CHRNA2: variants seen among roughly 807,000 people sequenced by gnomAD.
CHRNA2 encodes neuronal acetylcholine receptor subunit alpha-2.
A neutral mutation model predicts 45.5 loss-of-function variants in CHRNA2; 40 were observed. The ratio of observed to expected loss-of-function variants is 0.88; its 90% CI spans 0.68 to 1.15. CHRNA2 has a LOEUF of 1.15. Among genes scored for constraint, CHRNA2 ranks in the 50% most tolerant of loss-of-function variants. The pLI is 0.00. For missense variants in CHRNA2, 655 were observed against 701.7 expected (o/e 0.93, Z 0.75); for synonymous variants, 301 against 296.7 (o/e 1.01, Z -0.15).
At chr8:27,466,328 T>A (rs1364063272) in intron 5 of CHRNA2, among the ~76,000 whole-genome samples, 2 of 152,186 alleles carry the variant, frequency 1.3e-5, no homozygotes, top group East Asian at 3.8e-4. Context: ...ATTTCCAAAG[T>A]AGGATCAAAT....
intron 1 of CHRNA2, among the ~76,000 whole-genome samples, chr8:27,474,395 C>A (rs1243825329): frequency 6.6e-6 from 1 of 152,158 alleles, no homozygotes; most frequent in Non-Finnish European, 1.5e-5. Context: ...GAGAATATTG[C>A]CCCTGTCCAT....
intron 4 of CHRNA2, 142 bp from the exon 5 acceptor site, chr8:27,467,480 G>A: frequency 1.5e-6 from 1 of 657,248 alleles, no homozygotes; most frequent in Admixed American, 2.3e-5. Flanking sequence ...CAGAATAGTG[G>A]AGGGAGCTGC....
At position 27,461,513 on chromosome 8, in the gene CHRNA2, G is replaced by A; in HGVS notation, c.*116C>T. The A allele has an allele frequency of 7.0e-7, 1 of 1,431,324 alleles. No homozygotes were observed. The highest frequency in any genetic ancestry group is 2.3e-5 in the East Asian group (1 of 43,226). The allele number at this position is 1,431,324 out of a possible 1,614,324, so 88.7% of individuals were successfully genotyped here. On this transcript the variant is annotated 3_prime_UTR_variant, in exon 7 of 7. Coordinates refer to ENST00000407991, the MANE Select transcript of CHRNA2 (RefSeq NM_000742.4). The stretch of plus-strand genomic sequence containing the variant: ...CCTGCAATCCCTGGGTCAGTGTCCA[G>A]ACTCCGCGGAGAGGCACCTGCTCAT...
chr8:27,473,296 C>T (rs2565045), intron 1 of CHRNA2, among the ~76,000 whole-genome samples: 127,320 of 152,130 alleles, frequency 0.84, 53,476 homozygotes, highest in African/African-American at 0.91. Flanking sequence ...ATAGTGGTGA[C>T]GGCTGCACAC....
At chr8:27,466,230 C>T (rs541235644) in intron 5 of CHRNA2, among the ~76,000 whole-genome samples, 13 of 151,216 alleles carry the variant, frequency 8.6e-5, no homozygotes, top group African/African-American at 2.9e-4. Context: ...CAGAACTGGA[C>T]GGTGTAAAAA....
At chr8:27,471,668 G>A (rs1414285115) in intron 1 of CHRNA2, among the ~76,000 whole-genome samples, 1 of 152,328 alleles carries the variant, frequency 6.6e-6, no homozygotes, top group Non-Finnish European at 1.5e-5. Context: ...AGGTGCTGAC[G>A]CTTGCTACAG....
intron 1 of CHRNA2, among the ~76,000 whole-genome samples, chr8:27,476,161 T>G (rs1276055823): frequency 6.6e-6 from 1 of 152,212 alleles, no homozygotes; most frequent in Admixed American, 6.5e-5. Flanking sequence ...TGTAAGAGAA[T>G]GTACTACCTC....
rs192887571 is a variant in CHRNA2, at chr8:27,463,906, G to C, written c.537C>G (p.Tyr179Ter). The change falls in exon 6 of 7, where the codon TAC becomes TAG. Residue 179 changes from tyrosine to a stop codon, truncating the protein, a stop_gained. Coordinates refer to ENST00000407991, the MANE Select transcript of CHRNA2 (RefSeq NM_000742.4). LOFTEE classifies it high-confidence loss of function. The surrounding 1 kb of genome is among the most constrained non-coding windows in gnomAD (Gnocchi z 6.1). Reference sequence around the variant, plus strand: ...TGACGTCGATGCTGCAGGAGCTCTTGTAGATGGCCGGGGGCACCCAGTGCA... The same window carrying C: ...TGACGTCGATGCTGCAGGAGCTCTTCTAGATGGCCGGGGGCACCCAGTGCA... ...GTVHWVPPAIYKSSCSIDVTF... is the reference protein window; with the variant it reads ...GTVHWVPPAI 6 of 1,614,100 alleles carry C rather than the reference G, an allele frequency of 3.7e-6. No homozygotes were observed. In the East Asian group the frequency reaches 8.9e-5, roughly 24 times the overall value.
chr8:27,467,156 C>T (rs1341556980), intron 5 of CHRNA2, 73 bp downstream of exon 5: 7 of 1,221,582 alleles, frequency 5.7e-6, no homozygotes, highest in Middle Eastern at 1.9e-4. Context: ...AGGGGGGCCC[C>T]TCCCAAGGCC....
chr8:27,469,982 C>T lies in CHRNA2; in HGVS notation c.74-1G>A. On this transcript the variant is annotated splice_acceptor_variant, in intron 2 of 6. Coordinates refer to ENST00000407991, the MANE Select transcript of CHRNA2 (RefSeq NM_000742.4). LOFTEE classifies it high-confidence loss of function. ...GGTGGGCGCTTAGCTTCCTCTCCAC[C>T]TGCCATCAAATCAGAGCCACTCAGC... 1 of 1,612,754 alleles carries T rather than the reference C, an allele frequency of 6.2e-7. No homozygotes were observed. Among genetic ancestry groups the T allele is most frequent in the Non-Finnish European group, 8.5e-7 (1 of 1,179,516 alleles).
rs1317090413 is a variant in CHRNA2 at position 27,467,239 on chromosome 8, G to A, written c.439C>T (p.Leu147Phe). 1.2e-6 allele frequency: 2 copies of A among 1,612,930 alleles called. No homozygotes were observed. The highest frequency in any genetic ancestry group is 4.5e-5 in the East Asian group (2 of 44,876). Reference protein sequence around the residue: ...SEMIWIPDIVLYNNADGEFAV... With the variant: ...SEMIWIPDIVFYNNADGEFAV... ...CCAATGGCTTCCTACTTGTTGTAGA[G>A]AACAATGTCGGGGATCCAGATCATC... Residue 147 changes from leucine (L) to phenylalanine (F), a missense_variant, in exon 5 of 7, where the codon CTC becomes TTC. Coordinates refer to ENST00000407991, the MANE Select transcript of CHRNA2 (RefSeq NM_000742.4).
intron 1 of CHRNA2, among the ~76,000 whole-genome samples, chr8:27,476,995 T>TA (rs61306318): frequency 0.076 from 9,118 of 120,730 alleles, 737 homozygotes; most frequent in African/African-American, 0.22. Context: ...TTCATGTAAG[T>TA]AAAAAAAAAA....
intron 1 of CHRNA2, among the ~76,000 whole-genome samples, chr8:27,474,138 T>C (rs930391945): frequency 6.6e-6 from 1 of 152,176 alleles, no homozygotes; most frequent in African/African-American, 2.4e-5. Context: ...GTTGCTCTTA[T>C]GGTTGTCAGG....
Position 27,463,270 on chromosome 8 carries a change from G to C in CHRNA2, c.1173C>G (p.His391Gln), listed in dbSNP as rs183676062. Reference protein sequence around the residue: ...NRPPPPVELCHPLRLKLSPSY... With the variant: ...NRPPPPVELCQPLRLKLSPSY... ...AGGGGCTGAGCTTCAGGCGTAGGGG[G>C]TGGCAGAGCTCCACGGGTGGTGGGG... The change falls in exon 6 of 7, where the codon CAC (histidine) becomes CAG (glutamine). Residue 391 changes from histidine (H) to glutamine (Q), a missense_variant. Transcript: ENST00000407991. This position sits in a 1 kb window ranked among gnomAD's most constrained non-coding sequence, Gnocchi z 6.1. 1 of 1,606,668 alleles carries C rather than the reference G, an allele frequency of 6.2e-7. No homozygotes were observed. The highest frequency in any genetic ancestry group is 1.7e-5 in the Admixed American group (1 of 59,846).
In CHRNA2 at chr8:27,467,275, C is replaced by G. The variant is rs1048479171; in HGVS notation, c.403G>C (p.Val135Leu). ...GGGATCCAGATCATCTCAGAAGGGA[C>G]CCTGAGAGATGTGATGTTGCCAAAA... Reference protein sequence around the residue: ...TDFGNITSLRVPSEMIWIPDI... With the variant: ...TDFGNITSLRLPSEMIWIPDI... The change falls in exon 5 of 7, where the codon GTC (valine) becomes CTC (leucine). Residue 135 changes from valine (V) to leucine (L), a missense_variant. By Grantham distance (32) the Val-to-Leu change is conservative. Coordinates refer to ENST00000407991, the MANE Select transcript of CHRNA2 (RefSeq NM_000742.4). 6.2e-7 allele frequency: 1 copy of G among 1,613,928 alleles called. No individual in the cohort carries two copies. Among genetic ancestry groups the G allele is most frequent in the African/African-American group, 1.3e-5 (1 of 74,918 alleles).
chr8:27,477,826 A>G (rs982360459), intron 1 of CHRNA2, among the ~76,000 whole-genome samples: 2 of 152,132 alleles, frequency 1.3e-5, no homozygotes, highest in East Asian at 1.9e-4. Context: ...AGAGAAGCCT[A>G]TGTAAAAGAG....
chr8:27,475,141 T>A (rs1358966820), intron 1 of CHRNA2: 1 of 152,206 alleles, frequency 6.6e-6, no homozygotes, highest in Non-Finnish European at 1.5e-5. Context: ...TAAAAATAAT[T>A]TTCAAGCAGG....
chr8:27,463,538 G>A lies in CHRNA2; in HGVS notation c.905C>T (p.Ser302Leu), dbSNP rs367914235. The A allele has an allele frequency of 1.1e-5, 17 of 1,614,102 alleles. No homozygotes were observed. Among genetic ancestry groups the A allele is most frequent in the African/African-American group, 9.3e-5 (7 of 74,932 alleles). Residue 302 changes from serine (S) to leucine (L), a missense_variant, in exon 6 of 7, where the codon TCG becomes TTG. Ser to Leu is a moderately radical substitution (Grantham distance 145, BLOSUM62 -2). Transcript: ENST00000407991. The surrounding 1 kb of genome is among the most constrained non-coding windows in gnomAD (Gnocchi z 6.1). ...DCGEKITLCI[S>L]VLLSLTVFLL... Reference sequence around the variant, plus strand: ...GAAGACGGTGAGTGACAGCAGCACCGAAATGCACAGCGTGATCTTCTCGCC... The same window carrying A: ...GAAGACGGTGAGTGACAGCAGCACCAAAATGCACAGCGTGATCTTCTCGCC...
intron 5 of CHRNA2, among the ~76,000 whole-genome samples, chr8:27,465,728 C>A (rs968006130): frequency 6.6e-6 from 1 of 152,032 alleles, no homozygotes; most frequent in African/African-American, 2.4e-5. Context: ...CGCGCCCAGG[C>A]AAAAACAAAA....
Sources: gnomAD v4.1 joint callset for allele counts (sites outside exome capture counted in the v4.1 genomes callset) on GRCh38, gnomAD v4.1.1 for gene constraint, Gnocchi (gnomAD v3.1) non-coding constraint, MANE v1.5 for transcripts, NCBI Gene and HGNC (gene_info 2026-07-23, HGNC 2026-07-21) for gene names.